Variants in GLIS3 observed in about 807,000 individuals in gnomAD.
The protein encoded by GLIS3 is GLIS family zinc finger 3, also known as zinc finger protein GLIS3.
GLIS3 carries 53 observed loss-of-function variants against 78.6 expected under a neutral mutation model. That is an observed-to-expected ratio of 0.67 (90% CI 0.54 to 0.85). GLIS3 has a LOEUF of 0.85. Among genes scored for constraint, GLIS3 ranks in the 40% least tolerant of loss-of-function variants. The pLI, the probability that GLIS3 is intolerant of heterozygous loss-of-function variation, is 0.00. For synonymous variants in GLIS3, 684 were observed against 509.9 expected (o/e 1.34, Z -4.60); for missense variants, 1,703 against 1,231.1 (o/e 1.38, Z -5.74).
At chr9:4,365,086 G>A in the GLIS3 span, among the ~76,000 whole-genome samples, 11 of 152,124 alleles carry the variant, frequency 7.2e-5, no homozygotes, top group Admixed American at 7.2e-4. Context: ...TCTTTGTTCA[G>A]AGGATCCTGT....
intron 6 of GLIS3, among the ~76,000 whole-genome samples, chr9:3,910,346 GTTATTTAT>G (rs746487890): frequency 3.3e-5 from 5 of 152,042 alleles, no homozygotes; most frequent in African/African-American, 9.7e-5. Context: ...ATTTTGTTTT[GTTATTTAT>G]TTATTTATTT....
chr9:4,476,366 T>C, the GLIS3 span, among the ~76,000 whole-genome samples: 2 of 152,036 alleles, frequency 1.3e-5, no homozygotes, highest in Admixed American at 1.3e-4. Context: ...TTTTTTGTTT[T>C]TGTTTTTGTT....
At chr9:4,315,706 T>G (rs1333434558) in intron 2 of GLIS3, among the ~76,000 whole-genome samples, 1 of 152,140 alleles carries the variant, frequency 6.6e-6, no homozygotes, top group African/African-American at 2.4e-5. Context: ...CTGGGTCTTT[T>G]GGGGCCAGCC....
At chr9:4,257,531 G>C (rs1388540106) in intron 2 of GLIS3, among the ~76,000 whole-genome samples, 1 of 152,006 alleles carries the variant, frequency 6.6e-6, no homozygotes, top group Admixed American at 6.6e-5. Context: ...TAAGATGATA[G>C]ACATGTTAAT....
At chr9:4,213,608 G>A in intron 2 of GLIS3, among the ~76,000 whole-genome samples, 1 of 152,100 alleles carries the variant, frequency 6.6e-6, no homozygotes, top group Non-Finnish European at 1.5e-5. Flanking sequence ...CATGTGGCTA[G>A]AGACTACCAT....
chr9:4,211,919 C>G (rs1345300178), intron 2 of GLIS3, among the ~76,000 whole-genome samples: 7 of 152,226 alleles, frequency 4.6e-5, no homozygotes, highest in Admixed American at 4.6e-4. Context: ...AAGCCAGACA[C>G]AAAGACCATA....
chr9:4,283,288 TAG>T (rs1156756005), intron 2 of GLIS3, among the ~76,000 whole-genome samples: 21 of 147,664 alleles, frequency 1.4e-4, no homozygotes, highest in Admixed American at 1.4e-4. Context: ...TTTTTTGAGA[TAG>T]AGTCTTGCTT....
At position 4,118,390 on chromosome 9, in the gene GLIS3, C is replaced by A; in HGVS notation, c.1088G>T (p.Arg363Leu). The change falls in exon 4 of 11, where the codon CGC becomes CTC. Residue 363 changes from arginine to leucine, a missense_variant. Arg to Leu is a moderately radical substitution (Grantham distance 102, BLOSUM62 -2). Transcript: ENST00000381971. This position sits in a 1 kb window ranked among gnomAD's most constrained non-coding sequence, Gnocchi z 4.7. ...GCCCTTCTGGCTGCCGGGCACCGGG[C>A]GCGGCTGGGGAATGCAGCTGCCGCG... ...GVRGSCIPQPRPVPGSQKGVL... is the reference protein window; with the variant it reads ...GVRGSCIPQPLPVPGSQKGVL... The A allele has an allele frequency of 6.2e-7, 1 of 1,601,694 alleles. No homozygotes were observed. The highest frequency in any genetic ancestry group is 8.5e-7 in the Non-Finnish European group (1 of 1,177,540).
chr9:4,031,033 C>A (rs766382252), intron 4 of GLIS3, among the ~76,000 whole-genome samples: 1 of 152,134 alleles, frequency 6.6e-6, no homozygotes. Context: ...TTTGAACATT[C>A]GTGCACTGCT....
At chr9:4,369,216 C>T in the GLIS3 span, among the ~76,000 whole-genome samples, 2 of 152,092 alleles carry the variant, frequency 1.3e-5, no homozygotes, top group African/African-American at 4.8e-5. Context: ...ACTCAGCCAC[C>T]ATTCTAGATC....
At chr9:4,092,888 C>G (rs1829643259) in intron 4 of GLIS3, among the ~76,000 whole-genome samples, 1 of 152,126 alleles carries the variant, frequency 6.6e-6, no homozygotes, top group African/African-American at 2.4e-5. Context: ...ACTATATGTG[C>G]TTTATTTTTA....
At chr9:4,444,968 C>G in the GLIS3 span, among the ~76,000 whole-genome samples, 9 of 152,122 alleles carry the variant, frequency 5.9e-5, no homozygotes, top group Non-Finnish European at 1.0e-4. Context: ...CTATTTTTTT[C>G]ACATGGAACC....
At position 4,052,394 on chromosome 9, in the gene GLIS3, C is replaced by T. The variant is rs146684277; in HGVS notation, c.1710+65374G>A. On this transcript the variant is annotated intron_variant, in intron 4 of 10. Coordinates refer to ENST00000381971, the MANE Select transcript of GLIS3 (RefSeq NM_001042413.2). ...AGTACATACTTCATGATATTAAATG[C>T]ATTCATAATGGTGTACAACTATCAC... 3.9e-5 allele frequency among the ~76,000 whole-genome samples: 6 copies of T among 152,200 alleles called. No individual in the cohort carries two copies. The East Asian group carries it at 5.8e-4, about 15-fold the overall frequency.
chr9:4,049,612 C>T (rs1825544359), intron 4 of GLIS3, among the ~76,000 whole-genome samples: 1 of 152,242 alleles, frequency 6.6e-6, no homozygotes, highest in African/African-American at 2.4e-5. Flanking sequence ...TAGGAATAAG[C>T]TTCCTGCATA....
intron 2 of GLIS3, chr9:4,151,957 A>C (rs1175789540): frequency 6.3e-6 from 1 of 159,416 alleles, no homozygotes; most frequent in Non-Finnish European, 1.3e-5. Context: ...AGACATAAAA[A>C]CATCACGTAA....
chr9:4,000,578 C>A (rs1333655741), intron 4 of GLIS3, among the ~76,000 whole-genome samples: 1 of 152,118 alleles, frequency 6.6e-6, no homozygotes, highest in African/African-American at 2.4e-5. Context: ...ACCCAAAGCT[C>A]GTTTAAAGAA....
upstream of GLIS3, among the ~76,000 whole-genome samples, chr9:4,301,972 T>C (rs1337130761): frequency 6.6e-6 from 1 of 151,830 alleles, no homozygotes; most frequent in Admixed American, 6.6e-5. Context: ...AGAGGTATAG[T>C]GCTTTGGTTG....
At chr9:4,350,993 A>T (rs1817963916), upstream of GLIS3, among the ~76,000 whole-genome samples, 1 of 151,574 alleles carries the variant, frequency 6.6e-6, no homozygotes, top group African/African-American at 2.4e-5. Flanking sequence ...TGTGTAGGTC[A>T]CACCGCCATG....
intron 9 of GLIS3, among the ~76,000 whole-genome samples, chr9:3,835,549 C>A (rs1299034319): frequency 1.3e-5 from 2 of 152,256 alleles, no homozygotes; most frequent in African/African-American, 2.4e-5. Flanking sequence ...CTACCCAAAT[C>A]TCAGGAGTCA....
Sources: gnomAD v4.1 joint callset for allele counts (sites outside exome capture counted in the v4.1 genomes callset) on GRCh38, gnomAD v4.1.1 for gene constraint, Gnocchi (gnomAD v3.1) non-coding constraint, MANE v1.5 for transcripts, NCBI Gene and HGNC (gene_info 2026-07-23, HGNC 2026-07-21) for gene names.